The following DCC variants were observed in gnomAD, a reference collection of about 807,000 sequenced individuals.
DCC encodes netrin receptor DCC.
DCC carries 58 observed loss-of-function variants against 172.5 expected under a neutral mutation model. That is an observed-to-expected ratio of 0.34 (90% CI 0.27 to 0.42). DCC has a LOEUF of 0.42. Ranked by LOEUF, DCC falls within the 10% of genes least tolerant of loss-of-function variation. The pLI is 1.00. For synonymous variants in DCC, 709 were observed against 644.5 expected, an observed-to-expected ratio of 1.10 and a Z score of -1.52; for missense variants, 1,740 against 1,791.0, an observed-to-expected ratio of 0.97 and a Z score of 0.51.
chr18:52,942,391 C>A (rs1050829630), intron 5 of DCC, among the ~76,000 whole-genome samples: 2 of 151,968 alleles, frequency 1.3e-5, no homozygotes, highest in African/African-American at 2.4e-5. Context: ...TATTTTAATA[C>A]TATTTAGTAT....
intron 1 of DCC, among the ~76,000 whole-genome samples, chr18:52,497,928 C>G (rs1260695179): frequency 6.6e-6 from 1 of 152,108 alleles, no homozygotes; most frequent in East Asian, 1.9e-4. Flanking sequence ...CATATTTTTG[C>G]TACAGAGGGT....
At chr18:53,214,082 G>T (rs1457034241) in intron 11 of DCC, among the ~76,000 whole-genome samples, 2 of 151,808 alleles carry the variant, frequency 1.3e-5, no homozygotes, top group South Asian at 2.1e-4. Context: ...CCTTATTGGG[G>T]TTACATTCTG....
chr18:53,178,758 G>A (rs2055148292), intron 8 of DCC, among the ~76,000 whole-genome samples: 1 of 152,128 alleles, frequency 6.6e-6, no homozygotes, highest in African/African-American at 2.4e-5. Context: ...AAACTCCCCA[G>A]AATCCTTGCA....
At chr18:53,222,602 G>A (rs2055958350) in intron 12 of DCC, among the ~76,000 whole-genome samples, 1 of 151,552 alleles carries the variant, frequency 6.6e-6, no homozygotes, top group Non-Finnish European at 1.5e-5. Flanking sequence ...TGTCCAGGCT[G>A]GTCTTGAATT....
chr18:52,681,380 G>C (rs530839060), intron 1 of DCC, among the ~76,000 whole-genome samples: 105 of 152,012 alleles, frequency 6.9e-4, no homozygotes, highest in African/African-American at 2.4e-3. Flanking sequence ...ATGCTATCAG[G>C]GAGATGATGT....
At chr18:53,251,145 A>G (rs563797826) in intron 12 of DCC, among the ~76,000 whole-genome samples, 5 of 152,028 alleles carry the variant, frequency 3.3e-5, no homozygotes, top group South Asian at 2.1e-4. Flanking sequence ...ATTAGAATCT[A>G]TCATCGGCTC....
intron 1 of DCC, among the ~76,000 whole-genome samples, chr18:52,565,369 C>G (rs1474030246): frequency 6.6e-6 from 1 of 152,092 alleles, no homozygotes; most frequent in Non-Finnish European, 1.5e-5. Flanking sequence ...AACGGGATTG[C>G]TGGATCAAAT....
At chr18:52,687,140 A>G (rs1568041798) in intron 1 of DCC, among the ~76,000 whole-genome samples, 1 of 152,106 alleles carries the variant, frequency 6.6e-6, no homozygotes, top group Non-Finnish European at 1.5e-5. Flanking sequence ...GCTCAAACCT[A>G]TTCCAAAAAT....
chr18:52,772,598 C>G (rs1251480008), intron 2 of DCC, among the ~76,000 whole-genome samples: 1 of 152,138 alleles, frequency 6.6e-6, no homozygotes, highest in Admixed American at 6.5e-5. Context: ...ATTTCAGAGC[C>G]AGCTGTATTT....
chr18:53,135,592 G>T (rs1243195618), intron 7 of DCC, among the ~76,000 whole-genome samples: 2 of 152,140 alleles, frequency 1.3e-5, no homozygotes, highest in Admixed American at 6.5e-5. Flanking sequence ...GCCACCTAGG[G>T]CTGACAGCTG....
At chr18:52,496,825 T>C (rs1033122569) in intron 1 of DCC, among the ~76,000 whole-genome samples, 17 of 152,258 alleles carry the variant, frequency 1.1e-4, no homozygotes, top group African/African-American at 3.6e-4. Flanking sequence ...TACTTTTAGA[T>C]GTTTTATTTT....
At chr18:53,044,694 C>T (rs2042212993) in intron 5 of DCC, among the ~76,000 whole-genome samples, 1 of 151,810 alleles carries the variant, frequency 6.6e-6, no homozygotes, top group African/African-American at 2.4e-5. Context: ...GAAAAAATAA[C>T]CAGACAGAAA....
chr18:53,417,158 A>G (rs979040189), intron 21 of DCC, among the ~76,000 whole-genome samples: 8 of 152,208 alleles, frequency 5.3e-5, no homozygotes, highest in African/African-American at 1.4e-4. Context: ...CAACAGGAAT[A>G]CTTTTTAACT....
intron 5 of DCC, among the ~76,000 whole-genome samples, chr18:52,973,153 A>G (rs1395259466): frequency 6.6e-6 from 1 of 152,194 alleles, no homozygotes; most frequent in African/African-American, 2.4e-5. Context: ...GGTATCTTCA[A>G]TTGGGTCTTT....
intron 1 of DCC, among the ~76,000 whole-genome samples, chr18:52,750,731 C>A (rs1685850213): frequency 6.6e-6 from 1 of 152,130 alleles, no homozygotes; most frequent in African/African-American, 2.4e-5. Context: ...TAGTTCTGTC[C>A]ATCAGGACCA....
At chr18:52,822,164 G>A (rs377487064) in intron 2 of DCC, among the ~76,000 whole-genome samples, 6 of 152,098 alleles carry the variant, frequency 3.9e-5, no homozygotes, top group East Asian at 1.9e-4. Flanking sequence ...ATCTGGATCC[G>A]TATCCCATGA....
chr18:53,112,907 T>A (rs1008927052), intron 7 of DCC, among the ~76,000 whole-genome samples: 2 of 151,558 alleles, frequency 1.3e-5, no homozygotes, highest in African/African-American at 4.8e-5. Context: ...TAAGCCTTTT[T>A]GCTTAATTTT....
At chr18:52,950,095 A>G (rs1285992424) in intron 5 of DCC, among the ~76,000 whole-genome samples, 3 of 152,112 alleles carry the variant, frequency 2.0e-5, no homozygotes, top group Admixed American at 1.3e-4. Flanking sequence ...CCATTTCTAT[A>G]TTGTTTGAAG....
rs566329751 is a variant in DCC at position 52,558,061 on chromosome 18, T to C, written c.92-193993T>C. Among the ~76,000 whole-genome samples the C allele has an allele frequency of 2.0e-5, 3 of 152,244 alleles. No homozygotes were observed. The South Asian group carries it at 6.2e-4, about 32-fold the overall frequency. Reference sequence around the variant, plus strand: ...TTATGTTTTCCTTCAGAATTTTAATTTGTGAGCTTTTCATACTATGTTAAT... The same window carrying C: ...TTATGTTTTCCTTCAGAATTTTAATCTGTGAGCTTTTCATACTATGTTAAT... On this transcript the variant is annotated intron_variant, in intron 1 of 28. Coordinates refer to ENST00000442544, the MANE Select transcript of DCC (RefSeq NM_005215.4).
Sources: allele counts gnomAD v4.1 joint callset (sites outside exome capture counted in the v4.1 genomes callset), GRCh38; gene constraint gnomAD v4.1.1; transcripts MANE v1.5; gene names NCBI Gene and HGNC (gene_info 2026-07-23, HGNC 2026-07-21).